Variants in FGD5 observed in about 807,000 individuals in gnomAD.
The protein encoded by FGD5 is FYVE, RhoGEF and PH domain containing 5.
A neutral mutation model predicts 133.4 loss-of-function variants in FGD5; 28 were observed. The observed-to-expected ratio is 0.21, with a 90% CI of 0.16 to 0.29. The LOEUF (loss-of-function observed/expected upper bound fraction) is 0.29. Among genes scored for constraint, FGD5 ranks in the 10% least tolerant of loss-of-function variants. The pLI is 1.00. For synonymous variants in FGD5, 810 were observed against 776.5 expected (o/e 1.04, Z -0.72); for missense variants, 1,858 against 1,895.2 (o/e 0.98, Z 0.36).
chr3:14,911,130 T>G (rs2038441753), intron 11 of FGD5, among the ~76,000 whole-genome samples: 1 of 152,226 alleles, frequency 6.6e-6, no homozygotes, highest in Non-Finnish European at 1.5e-5. Context: ...TGAATGATTT[T>G]GAGTGGAATG....
intron 2 of FGD5, among the ~76,000 whole-genome samples, chr3:14,871,067 T>C (rs533057812): frequency 6.6e-6 from 1 of 152,346 alleles, no homozygotes; most frequent in South Asian, 2.1e-4. Flanking sequence ...CTCCCTGCCC[T>C]TTGCCTGGCT....
At position 14,923,058 on chromosome 3, in the gene FGD5, A is replaced by C; in HGVS notation, c.3820A>C (p.Asn1274His). 1.2e-6 allele frequency: 2 copies of C among 1,613,878 alleles called. No individual in the cohort carries two copies. The highest frequency in any genetic ancestry group is 1.7e-6 in the Non-Finnish European group (2 of 1,179,856). Reference protein sequence around the residue: ...CHACGKIVCRNCSRNKYPLKY... With the variant: ...CHACGKIVCRHCSRNKYPLKY... ...CCTGGGCCTGCAGATCGTGTGCCGG[A>C]ACTGTTCGCGGAACAAGTACCCGCT... Residue 1274 changes from asparagine (N) to histidine (H), a missense_variant, in exon 16 of 20, where the codon AAC (asparagine) becomes CAC (histidine). Asn to His is a moderately conservative substitution (Grantham distance 68). Around this residue, in one of 3 missense-constraint regions of FGD5, gnomAD observed 1,824 missense variants for 1,848.9 expected, o/e 0.99. Transcript: ENST00000285046.
chr3:14,885,752 TC>T (rs1248587086), intron 4 of FGD5, among the ~76,000 whole-genome samples: 3 of 152,090 alleles, frequency 2.0e-5, no homozygotes, highest in Non-Finnish European at 4.4e-5. Flanking sequence ...GCCTTGGAAG[TC>T]CTATAGCACC....
At chr3:14,872,736 C>T (rs2037636150) in intron 2 of FGD5, among the ~76,000 whole-genome samples, 1 of 152,348 alleles carries the variant, frequency 6.6e-6, no homozygotes, top group East Asian at 1.9e-4. Flanking sequence ...AGTGCACAGC[C>T]TCCTCAAACC....
Position 14,819,855 on chromosome 3 carries a change from G to T in FGD5, c.784G>T (p.Val262Phe), listed in dbSNP as rs757373496. The T allele has an allele frequency of 6.2e-7, 1 of 1,612,608 alleles. No homozygotes were observed. The highest frequency in any genetic ancestry group is 2.2e-5 in the East Asian group (1 of 44,830). The change falls in exon 1 of 20, where the codon GTC becomes TTC. Residue 262 changes from valine to phenylalanine, a missense_variant. By Grantham distance (50) the Val-to-Phe change is conservative. Transcript: ENST00000285046. This position sits in a 1 kb window ranked among gnomAD's most constrained non-coding sequence, Gnocchi z 4.1. ...EPPEKEELAG[V>F]QEAETATDCP... Reference sequence around the variant, plus strand: ...CCCTGAGAAGGAGGAGCTGGCCGGGGTCCAGGAGGCAGAGACAGCCACAGA... The same window carrying T: ...CCCTGAGAAGGAGGAGCTGGCCGGGTTCCAGGAGGCAGAGACAGCCACAGA...
intron 4 of FGD5, among the ~76,000 whole-genome samples, chr3:14,892,178 T>G (rs2038042303): frequency 6.6e-6 from 1 of 151,966 alleles, no homozygotes; most frequent in Non-Finnish European, 1.5e-5. Flanking sequence ...TTTTCAATCC[T>G]TATATACAAA....
chr3:14,900,322 AAG>A (rs2038213992), intron 7 of FGD5, 79 bp from the exon 8 acceptor site: 1 of 1,403,124 alleles, frequency 7.1e-7, no homozygotes, highest in Non-Finnish European at 1.0e-6. Flanking sequence ...CAACTCTGGC[AAG>A]AGAGGGGGTG....
intron 13 of FGD5, chr3:14,921,571 C>T (rs569218723): frequency 1.5e-4 from 43 of 283,018 alleles, no homozygotes; most frequent in Non-Finnish European, 2.6e-4. Flanking sequence ...CAGCCCGTTT[C>T]TCCTGAAGTG....
At chr3:14,898,967 T>G in intron 7 of FGD5, 141 bp downstream of exon 7, 1 of 723,784 alleles carries the variant, frequency 1.4e-6, no homozygotes, top group South Asian at 1.8e-5. Flanking sequence ...CCATCACCTT[T>G]CCCTCCAGTT....
Position 14,917,459 on chromosome 3 carries a change from T to G in FGD5, c.3489+127T>G. ...GAGGGAGGCCCTGCGGAAACAGTGT[T>G]GGGCTACAGCAAGTTTGTGCTGTAA... On this transcript the variant is annotated intron_variant, in intron 12 of 19. Transcript: ENST00000285046. This position sits in a 1 kb window ranked among gnomAD's most constrained non-coding sequence, Gnocchi z 4.1. 1.2e-6 allele frequency: 1 copy of G among 814,796 alleles called. No individual in the cohort carries two copies. Among genetic ancestry groups the G allele is most frequent in the Non-Finnish European group, 1.9e-6 (1 of 513,684 alleles). The allele number at this position is 814,796 out of a possible 1,614,324, so 50.5% of individuals were successfully genotyped here. A position where few individuals can be genotyped will look rare whatever the true frequency, so the allele number is the denominator to read the frequency against.
intron 1 of FGD5, among the ~76,000 whole-genome samples, chr3:14,857,243 C>CG (rs71268414): frequency 1.6e-4 from 25 of 152,184 alleles, no homozygotes. Flanking sequence ...TCCACCCCCC[C>CG]AGGCTCAAGC....
At chr3:14,818,620 GA>G (rs749416845), upstream of FGD5, among the ~76,000 whole-genome samples, 4 of 152,196 alleles carry the variant, frequency 2.6e-5, no homozygotes, top group Admixed American at 6.5e-5. Context: ...CTGGGTCATA[GA>G]AAGTGTTTAT....
Position 14,901,015 on chromosome 3 carries a change from T to A in FGD5, c.3218T>A (p.Leu1073His). The A allele has an allele frequency of 6.2e-7, 1 of 1,613,972 alleles. No homozygotes were observed. Among genetic ancestry groups the A allele is most frequent in the Non-Finnish European group, 8.5e-7 (1 of 1,179,866 alleles). ...TGTCCCTCCCCAGGTGCACTGAGCC[T>A]CATCTCCAAAGTCACAGACCGTGCC... ...EYDNTQGALS[L>H]ISKVTDRAND... is the part of the protein sequence containing the mutation. Residue 1073 changes from leucine to histidine, a missense_variant, in exon 9 of 20, where the codon CTC becomes CAC. Coordinates refer to ENST00000285046, the MANE Select transcript of FGD5 (RefSeq NM_152536.4).
At chr3:14,878,868 G>A (rs553193928) in intron 2 of FGD5, among the ~76,000 whole-genome samples, 44 of 151,974 alleles carry the variant, frequency 2.9e-4, no homozygotes, top group African/African-American at 1.0e-3. Context: ...CACCATGCCC[G>A]GCTAATCTTT....
intron 1 of FGD5, among the ~76,000 whole-genome samples, chr3:14,840,808 T>C (rs1180991192): frequency 6.6e-6 from 1 of 152,258 alleles, no homozygotes; most frequent in African/African-American, 2.4e-5. Context: ...GTTTTTGCCA[T>C]GTGTGAGTGT....
intron 4 of FGD5, among the ~76,000 whole-genome samples, chr3:14,890,379 A>G (rs1193165019): frequency 6.6e-6 from 1 of 152,228 alleles, no homozygotes; most frequent in Non-Finnish European, 1.5e-5. Flanking sequence ...CTCTGAGGGC[A>G]GAAGTGCATC....
intron 4 of FGD5, among the ~76,000 whole-genome samples, chr3:14,888,929 T>C (rs1412747554): frequency 1.3e-5 from 2 of 152,244 alleles, no homozygotes; most frequent in Admixed American, 6.5e-5. Context: ...CAAGACCTGC[T>C]GAATGGAAAC....
At chr3:14,910,096 C>CA (rs879672016) in intron 10 of FGD5, among the ~76,000 whole-genome samples, 6 of 151,000 alleles carry the variant, frequency 4.0e-5, no homozygotes, top group Non-Finnish European at 8.8e-5. Flanking sequence ...GCCAAATTTG[C>CA]AAAAAAATAA....
intron 4 of FGD5, among the ~76,000 whole-genome samples, chr3:14,895,675 G>C (rs769407702): frequency 6.6e-6 from 1 of 152,108 alleles, no homozygotes; most frequent in Admixed American, 6.6e-5. Flanking sequence ...CCAAGCTCAA[G>C]TGATCCTCCC....
Sources: gnomAD v4.1 joint callset for allele counts (sites outside exome capture counted in the v4.1 genomes callset) on GRCh38, gnomAD v4.1.1 for gene constraint, gnomAD v4.1.1 regional missense constraint, Gnocchi (gnomAD v3.1) non-coding constraint, MANE v1.5 for transcripts, NCBI Gene and HGNC (gene_info 2026-07-23, HGNC 2026-07-21) for gene names.